Variants in GRID2 observed in about 807,000 individuals in gnomAD.
GRID2 encodes glutamate receptor ionotropic, delta-2.
In GRID2, 33 loss-of-function variants were observed where a neutral mutation model predicts 114.8. That is an observed-to-expected ratio of 0.29 (90% CI 0.22 to 0.38). The LOEUF (loss-of-function observed/expected upper bound fraction) is 0.38. GRID2 is among the 10% of genes least tolerant of loss of function. The pLI is 1.00. For missense variants in GRID2, 1,184 were observed against 1,257.7 expected (o/e 0.94, Z 0.89); for synonymous variants, 505 against 449.9 (o/e 1.12, Z -1.55).
chr4:92,539,995 A>G (rs1193384301), intron 1 of GRID2, among the ~76,000 whole-genome samples: 1 of 152,182 alleles, frequency 6.6e-6, no homozygotes, highest in Non-Finnish European at 1.5e-5. Context: ...AATGCTACGT[A>G]TCTACAACCA....
intron 2 of GRID2, among the ~76,000 whole-genome samples, chr4:92,744,366 T>C (rs1481016054): frequency 6.6e-6 from 1 of 151,482 alleles, no homozygotes; most frequent in African/African-American, 2.4e-5. Flanking sequence ...CACACGCCTG[T>C]AATCCTAGCT....
At chr4:93,496,431 A>C (rs1727554982) in intron 12 of GRID2, among the ~76,000 whole-genome samples, 1 of 151,686 alleles carries the variant, frequency 6.6e-6, no homozygotes, top group Admixed American at 6.6e-5. Flanking sequence ...ATGACATATT[A>C]TTACATATGT....
intron 1 of GRID2, among the ~76,000 whole-genome samples, chr4:92,340,268 T>A (rs913360145): frequency 6.6e-6 from 1 of 152,148 alleles, no homozygotes; most frequent in African/African-American, 2.4e-5. Flanking sequence ...TTCATGTAAA[T>A]CAAATTTCTG....
chr4:93,075,074 G>A (rs1453296373), intron 2 of GRID2, among the ~76,000 whole-genome samples: 1 of 152,062 alleles, frequency 6.6e-6, no homozygotes, highest in Non-Finnish European at 1.5e-5. Context: ...AACTCTTCCA[G>A]AAAATTCAAA....
chr4:92,829,514 T>A (rs1741955153), intron 2 of GRID2, among the ~76,000 whole-genome samples: 1 of 152,140 alleles, frequency 6.6e-6, no homozygotes, highest in Admixed American at 6.6e-5. Flanking sequence ...TGAACCATTG[T>A]GGAAGGCAGT....
chr4:92,466,261 A>G (rs1000993338), intron 1 of GRID2, among the ~76,000 whole-genome samples: 8 of 151,898 alleles, frequency 5.3e-5, no homozygotes, highest in African/African-American at 1.9e-4. Context: ...GCTATTTGAA[A>G]CTATATAATA....
intron 1 of GRID2, among the ~76,000 whole-genome samples, chr4:92,497,445 A>G (rs1723448245): frequency 6.6e-6 from 1 of 151,884 alleles, no homozygotes; most frequent in Admixed American, 6.6e-5. Flanking sequence ...TAACTACCTG[A>G]AAGCATTACT....
intron 1 of GRID2, among the ~76,000 whole-genome samples, chr4:92,495,468 A>G (rs942652062): frequency 6.6e-6 from 1 of 151,996 alleles, no homozygotes. Context: ...AGAGATGCTG[A>G]TAATTTTAGG....
At chr4:92,609,675 G>C (rs531021001) in intron 2 of GRID2, among the ~76,000 whole-genome samples, 17 of 150,970 alleles carry the variant, frequency 1.1e-4, no homozygotes, top group African/African-American at 3.9e-4. Context: ...TTCTTCTCGT[G>C]ACCACATTAG....
intron 13 of GRID2, among the ~76,000 whole-genome samples, chr4:93,605,523 A>G (rs903973276): frequency 3.3e-5 from 5 of 152,216 alleles, no homozygotes; most frequent in African/African-American, 1.2e-4. Context: ...CTGTCACAAC[A>G]TTCCGTTATT....
chr4:93,200,497 T>C (rs907367470), intron 4 of GRID2, among the ~76,000 whole-genome samples: 106 of 150,526 alleles, frequency 7.0e-4, no homozygotes, highest in African/African-American at 1.7e-3. Context: ...ACCCGGGAGG[T>C]GGAGCTTGCA....
At chr4:93,319,511 C>A (rs936306939) in intron 8 of GRID2, 7 of 151,902 alleles carry the variant, frequency 4.6e-5, no homozygotes, top group Non-Finnish European at 1.0e-4. Context: ...ATGTTATATT[C>A]ATGGCAAAAG....
At position 92,672,306 on chromosome 4, in the gene GRID2, T is replaced by C. The variant is rs77144914; in HGVS notation, c.244+82020T>C. ...CCAGACATCTTGTTTTCAACAAATA[T>C]TTAACATGTGTCTCTGACAGTCATG... On this transcript the variant is annotated intron_variant, in intron 2 of 15. Coordinates refer to ENST00000282020, the MANE Select transcript of GRID2 (RefSeq NM_001510.4). 7.3e-3 allele frequency among the ~76,000 whole-genome samples: 1,118 copies of C among 152,256 alleles called. 20 individuals are homozygous for C. The highest frequency in any genetic ancestry group is 0.026 in the African/African-American group (1,084 of 41,574).
intron 14 of GRID2, among the ~76,000 whole-genome samples, chr4:93,672,598 T>C (rs1724526354): frequency 6.6e-6 from 1 of 152,260 alleles, no homozygotes; most frequent in African/African-American, 2.4e-5. Flanking sequence ...TGTGCAATTA[T>C]AATTTATTCC....
intron 1 of GRID2, among the ~76,000 whole-genome samples, chr4:92,342,548 A>C: frequency 6.6e-6 from 1 of 152,198 alleles, no homozygotes; most frequent in East Asian, 1.9e-4. Flanking sequence ...AATGTTTAGG[A>C]AGATTTACTC....
intron 8 of GRID2, among the ~76,000 whole-genome samples, chr4:93,332,378 C>T (rs1312487538): frequency 1.3e-5 from 2 of 150,776 alleles, no homozygotes; most frequent in African/African-American, 2.4e-5. Context: ...CTAGCTGCAT[C>T]CTGTCATACA....
chr4:93,176,835 A>C (rs546769239), intron 4 of GRID2, among the ~76,000 whole-genome samples: 1 of 152,302 alleles, frequency 6.6e-6, no homozygotes, highest in African/African-American at 2.4e-5. Flanking sequence ...AAGTGGGAAT[A>C]TCTCATGTGT....
At chr4:93,051,951 T>C (rs1029241388) in intron 2 of GRID2, among the ~76,000 whole-genome samples, 2 of 151,928 alleles carry the variant, frequency 1.3e-5, no homozygotes, top group African/African-American at 4.8e-5. Context: ...GTTATATCAG[T>C]CACTTTCCCT....
At chr4:92,773,178 C>T (rs1738620834) in intron 2 of GRID2, among the ~76,000 whole-genome samples, 1 of 152,142 alleles carries the variant, frequency 6.6e-6, no homozygotes, top group Non-Finnish European at 1.5e-5. Flanking sequence ...TCATAGTATA[C>T]TAAACATCAA....
Sources: gnomAD v4.1 joint callset for allele counts (sites outside exome capture counted in the v4.1 genomes callset) on GRCh38, gnomAD v4.1.1 for gene constraint, MANE v1.5 for transcripts, NCBI Gene and HGNC (gene_info 2026-07-23, HGNC 2026-07-21) for gene names.